COPE: variants seen among roughly 807,000 people sequenced by gnomAD.
The protein encoded by COPE is coat protein complex I subunit epsilon, also known as coatomer subunit epsilon.
A neutral mutation model predicts 42.1 loss-of-function variants in COPE; 19 were observed. The observed-to-expected ratio is 0.45, with a 90% CI of 0.31 to 0.66. The LOEUF (loss-of-function observed/expected upper bound fraction) is 0.66, where lower values mean the gene tolerates loss of function less well. Among genes scored for constraint, COPE ranks in the 30% least tolerant of loss-of-function variants. The probability of loss-of-function intolerance (pLI) is 0.05; values close to 1 mark genes in which losing one functional copy is unlikely to be tolerated. For missense variants in COPE, 402 were observed against 416.1 expected, an observed-to-expected ratio of 0.97 and a Z score of 0.30; for synonymous variants, 195 against 181.3, an observed-to-expected ratio of 1.08 and a Z score of -0.60.
At chr19:18,900,353 T>C (rs1277781414) in intron 8 of COPE, 28 bp downstream of exon 8, 4 of 1,535,840 alleles carry the variant, frequency 2.6e-6, no homozygotes, top group Admixed American at 2.0e-5. Flanking sequence ...GACATTAGGG[T>C]TGGCCTGGAG....
At chr19:18,904,690 C>G in intron 6 of COPE, 81 bp downstream of exon 6, 1 of 1,265,040 alleles carries the variant, frequency 7.9e-7, no homozygotes, top group Non-Finnish European at 1.1e-6. Context: ...GGCCAGCAGC[C>G]TACGCACAGG....
intron 2 of COPE, among the ~76,000 whole-genome samples, chr19:18,911,916 C>T (rs1311497375): frequency 6.8e-6 from 1 of 147,478 alleles, no homozygotes; most frequent in Non-Finnish European, 1.5e-5. Flanking sequence ...AATGCTGTGA[C>T]CTCAGCTCAC....
chr19:18,912,875 C>G, intron 2 of COPE, 109 bp downstream of exon 2: 1 of 1,030,140 alleles, frequency 9.7e-7, no homozygotes, highest in African/African-American at 1.6e-5. Flanking sequence ...AGGCCTGGGT[C>G]CCTGCTTTGT....
At chr19:18,900,508 C>T in intron 7 of COPE, 59 bp from the exon 8 acceptor site, 2 of 1,357,424 alleles carry the variant, frequency 1.5e-6, no homozygotes, top group Non-Finnish European at 1.0e-6. Context: ...CCATGCCTGC[C>T]CGTCACCCCC....
At chr19:18,905,537 T>C (rs2145060486) in intron 5 of COPE, 39 bp downstream of exon 5, 3 of 1,559,324 alleles carry the variant, frequency 1.9e-6, no homozygotes, top group Non-Finnish European at 2.6e-6. Flanking sequence ...CGCTCTGGGC[T>C]GTGGCTCAGT....
intron 3 of COPE, among the ~76,000 whole-genome samples, chr19:18,909,973 T>C (rs554069875): frequency 6.0e-4 from 92 of 152,198 alleles, no homozygotes; most frequent in Non-Finnish European, 9.6e-4. Context: ...ACGTACCTTT[T>C]GGGGGACACC....
chr19:18,919,321 A>G lies in COPE; in HGVS notation c.28T>C (p.Ser10Pro), dbSNP rs1601243682. MAPPAPGPA[S>P]GGSGEVDELF... is the part of the protein sequence containing the mutation. The stretch of plus-strand genomic sequence containing the variant: ...TCGTCTACCTCCCCGGAGCCGCCGG[A>G]GGCCGGGCCGGGGGCCGGAGGCGCC... Residue 10 changes from serine to proline, a missense_variant, in exon 1 of 10, where the codon TCC (serine) becomes CCC (proline). Physicochemically the swap from Ser to Pro is moderately conservative, Grantham distance 74 (BLOSUM62 -1). Coordinates refer to ENST00000262812, the MANE Select transcript of COPE (RefSeq NM_007263.4). The G allele has an allele frequency of 1.2e-6, 2 of 1,613,496 alleles. No homozygotes were observed. Among genetic ancestry groups the G allele is most frequent in the African/African-American group, 2.7e-5 (2 of 75,022 alleles).
At chr19:18,906,888 G>A (rs150856950) in intron 4 of COPE, 72 bp downstream of exon 4, 451 of 1,465,590 alleles carry the variant, frequency 3.1e-4, no homozygotes, top group Middle Eastern at 6.9e-4. Context: ...CAGCGAGGCC[G>A]TGCGCAGCCT....
At chr19:18,910,252 C>T (rs996445535) in intron 3 of COPE, among the ~76,000 whole-genome samples, 4 of 152,146 alleles carry the variant, frequency 2.6e-5, no homozygotes, top group East Asian at 1.9e-4. Context: ...GCAGGACAGG[C>T]GTGGCCTCAC....
At chr19:18,915,286 G>T (rs540437427) in intron 1 of COPE, among the ~76,000 whole-genome samples, 1 of 152,324 alleles carries the variant, frequency 6.6e-6, no homozygotes, top group African/African-American at 2.4e-5. Flanking sequence ...GCGCCATCGG[G>T]GGCACCAGGG....
intron 6 of COPE, 24 bp downstream of exon 6, chr19:18,904,747 C>A (rs908945623): frequency 2.5e-5 from 39 of 1,548,798 alleles, no homozygotes; most frequent in Middle Eastern, 1.7e-4. Context: ...GCAATGCCCA[C>A]CCACCTCATG....
chr19:18,914,056 C>T (rs915932596), intron 1 of COPE, among the ~76,000 whole-genome samples: 1 of 152,134 alleles, frequency 6.6e-6, no homozygotes, highest in African/African-American at 2.4e-5. Flanking sequence ...GCCAAGAGGA[C>T]CCAGCAGCTT....
chr19:18,919,289 G>A lies in COPE; in HGVS notation c.60C>T (p.Phe20=), dbSNP rs1601243374. The A allele has an allele frequency of 6.2e-7, 1 of 1,613,972 alleles. No individual in the cohort carries two copies. The highest frequency in any genetic ancestry group is 1.7e-5 in the Admixed American group (1 of 60,034). Residue 20 remains phenylalanine (F), a synonymous_variant, in exon 1 of 10, where the codon TTC becomes TTT. Transcript: ENST00000262812. ...SGGSGEVDEL[F]DVKNAFYIGS... ...CGATGTAGAAGGCGTTCTTTACGTCGAACAGCTCGTCTACCTCCCCGGAGC... is the reference window on the plus strand; with the variant it reads ...CGATGTAGAAGGCGTTCTTTACGTCAAACAGCTCGTCTACCTCCCCGGAGC...
chr19:18,899,650 T>A lies in COPE; in HGVS notation c.*29A>T. 1 of 1,613,120 alleles carries A rather than the reference T, an allele frequency of 6.2e-7. No homozygotes were observed. The highest frequency in any genetic ancestry group is 1.1e-5 in the South Asian group (1 of 91,072). ...GCTGGCTCCTGGCCTCTGTCCTGGCTTCATGGTCCTGACAGCTCTGGGCCA... is the reference window on the plus strand; with the variant it reads ...GCTGGCTCCTGGCCTCTGTCCTGGCATCATGGTCCTGACAGCTCTGGGCCA... On this transcript the variant is annotated 3_prime_UTR_variant, in exon 10 of 10. Transcript: ENST00000262812.
chr19:18,899,526 C>T lies in COPE; in HGVS notation c.*153G>A. The stretch of plus-strand genomic sequence containing the variant: ...CCAGAGCACATCATCAGGTGGAACA[C>T]CCTGGAGTTGAGATATTTATTAACA... On this transcript the variant is annotated 3_prime_UTR_variant, in exon 10 of 10. Coordinates refer to ENST00000262812, the MANE Select transcript of COPE (RefSeq NM_007263.4). 1.4e-6 allele frequency: 1 copy of T among 711,870 alleles called. No homozygotes were observed. Among genetic ancestry groups the T allele is most frequent in the Non-Finnish European group, 2.4e-6 (1 of 418,066 alleles). 44.1% of individuals were successfully genotyped at this position (711,870 alleles called of 1,614,324 possible). A position where few individuals can be genotyped will look rare whatever the true frequency, so the allele number is the denominator to read the frequency against.
chr19:18,901,805 C>T (rs1021061560), intron 7 of COPE, among the ~76,000 whole-genome samples: 1 of 152,048 alleles, frequency 6.6e-6, no homozygotes, highest in African/African-American at 2.4e-5. Context: ...GGTGGCATAC[C>T]GTTTCAAAAA....
chr19:18,899,785 G>A, intron 9 of COPE, 59 bp from the exon 10 acceptor site: 1 of 1,610,820 alleles, frequency 6.2e-7, no homozygotes, highest in Non-Finnish European at 8.5e-7. Flanking sequence ...ACAGGTGGAG[G>A]GAGAGAGAGA....
At chr19:18,917,339 T>C (rs146343530) in intron 1 of COPE, among the ~76,000 whole-genome samples, 61 of 149,516 alleles carry the variant, frequency 4.1e-4, no homozygotes, top group Non-Finnish European at 7.0e-4. Context: ...CCAGCCCCCT[T>C]TCTAGCCTCA....
chr19:18,919,190 C>T (rs1485661154), intron 1 of COPE, 33 bp downstream of exon 1: 14 of 1,588,764 alleles, frequency 8.8e-6, no homozygotes, highest in Non-Finnish European at 1.2e-5. Flanking sequence ...CCGCCTCCGC[C>T]CCCAGCGTCC....
Sources: gnomAD v4.1 joint callset for allele counts (sites outside exome capture counted in the v4.1 genomes callset) on GRCh38, gnomAD v4.1.1 for gene constraint, MANE v1.5 for transcripts, NCBI Gene and HGNC (gene_info 2026-07-23, HGNC 2026-07-21) for gene names.